SLC14A2: variants seen among roughly 807,000 people sequenced by gnomAD.
SLC14A2 encodes the protein solute carrier family 14 member 2, also known as urea transporter 2.
A neutral mutation model predicts 104.6 loss-of-function variants in SLC14A2; 91 were observed. The observed-to-expected ratio is 0.87, with a 90% CI of 0.73 to 1.04. SLC14A2 has a LOEUF of 1.04. SLC14A2 is among the 50% of genes least tolerant of loss of function. The probability of loss-of-function intolerance (pLI) is 0.00; values close to 1 mark genes in which losing one functional copy is unlikely to be tolerated. For missense variants in SLC14A2, 1,189 were observed against 1,156.0 expected (o/e 1.03, Z -0.41); for synonymous variants, 476 against 466.4 (o/e 1.02, Z -0.27).
At chr18:45,337,654 G>C (rs2144273908) in intron 1 of SLC14A2, among the ~76,000 whole-genome samples, 1 of 152,246 alleles carries the variant, frequency 6.6e-6, no homozygotes, top group South Asian at 2.1e-4. Flanking sequence ...GAGCTGACCA[G>C]CATTAACATG....
the SLC14A2 span, among the ~76,000 whole-genome samples, chr18:45,183,034 G>A: frequency 3.3e-5 from 5 of 152,164 alleles, no homozygotes; most frequent in Non-Finnish European, 7.4e-5. Context: ...CAAAAACAGA[G>A]ACTGGTATAG....
chr18:45,245,405 G>A (rs565026248), intron 1 of SLC14A2, among the ~76,000 whole-genome samples: 97 of 152,222 alleles, frequency 6.4e-4, no homozygotes, highest in Non-Finnish European at 1.0e-3. Flanking sequence ...TATCACCATC[G>A]CTGTGACCTT....
chr18:45,246,841 C>T (rs1179363396), intron 1 of SLC14A2, among the ~76,000 whole-genome samples: 2 of 152,084 alleles, frequency 1.3e-5, no homozygotes, highest in Admixed American at 6.5e-5. Flanking sequence ...GAAACCCCGT[C>T]TCTACTAAAA....
intron 1 of SLC14A2, among the ~76,000 whole-genome samples, chr18:45,373,139 A>G (rs917070744): frequency 6.6e-6 from 1 of 152,190 alleles, no homozygotes; most frequent in Non-Finnish European, 1.5e-5. Flanking sequence ...CCATAAGAAC[A>G]GGGTTTATTG....
chr18:45,433,979 G>A (rs970723721), intron 1 of SLC14A2, among the ~76,000 whole-genome samples: 1 of 152,098 alleles, frequency 6.6e-6, no homozygotes, highest in African/African-American at 2.4e-5. Flanking sequence ...CTTACTCAGG[G>A]CTCCTGTGTC....
chr18:45,489,829 G>C (rs1157109359), intron 2 of SLC14A2: 1 of 152,202 alleles, frequency 6.6e-6, no homozygotes, highest in Non-Finnish European at 1.5e-5. Context: ...AGATCACATA[G>C]AGATTATTGT....
chr18:45,271,073 T>G (rs2084646361), intron 1 of SLC14A2, among the ~76,000 whole-genome samples: 1 of 152,202 alleles, frequency 6.6e-6, no homozygotes, highest in South Asian at 2.1e-4. Context: ...CCCACACACT[T>G]GCTTCCCCTG....
At chr18:45,285,202 G>C (rs559424979) in intron 1 of SLC14A2, among the ~76,000 whole-genome samples, 28 of 152,254 alleles carry the variant, frequency 1.8e-4, no homozygotes, top group Admixed American at 3.9e-4. Context: ...ATCTATATTG[G>C]TTTCCAAATT....
intron 1 of SLC14A2, among the ~76,000 whole-genome samples, chr18:45,281,176 A>C (rs984183131): frequency 6.6e-6 from 1 of 152,180 alleles, no homozygotes; most frequent in Admixed American, 6.5e-5. Flanking sequence ...ACGTCTGAAC[A>C]CTTGCTATTT....
At chr18:45,390,661 G>A (rs2085950739) in intron 1 of SLC14A2, among the ~76,000 whole-genome samples, 1 of 152,166 alleles carries the variant, frequency 6.6e-6, no homozygotes, top group African/African-American at 2.4e-5. Context: ...GGTGAATACG[G>A]AAGGGGTACA....
intron 1 of SLC14A2, among the ~76,000 whole-genome samples, chr18:45,275,441 C>T (rs1568131004): frequency 2.0e-5 from 3 of 152,164 alleles, no homozygotes; most frequent in Non-Finnish European, 4.4e-5. Context: ...ACTCACCTTC[C>T]TCTTTTCCAT....
At chr18:45,213,320 A>G (rs2083978130) in intron 1 of SLC14A2, 1 of 152,150 alleles carries the variant, frequency 6.6e-6, no homozygotes. Flanking sequence ...TTTCAGGAGA[A>G]AATATATTCT....
intron 1 of SLC14A2, among the ~76,000 whole-genome samples, chr18:45,292,258 G>A (rs892658677): frequency 6.6e-6 from 1 of 152,154 alleles, no homozygotes; most frequent in African/African-American, 2.4e-5. Context: ...ACTTCATAAA[G>A]AGAGACATTG....
chr18:45,362,302 AAAAC>A (rs1160420658), intron 1 of SLC14A2, among the ~76,000 whole-genome samples: 3 of 152,244 alleles, frequency 2.0e-5, no homozygotes, highest in Non-Finnish European at 2.9e-5. Flanking sequence ...CAGGAGTGTG[AAAAC>A]AAACTAACAC....
At chr18:45,566,479 G>A (rs903338523) in intron 2 of SLC14A2, among the ~76,000 whole-genome samples, 19 of 151,252 alleles carry the variant, frequency 1.3e-4, no homozygotes, top group Admixed American at 6.0e-4. Flanking sequence ...TCTCCCTGTC[G>A]TCACCCTCGA....
chr18:45,259,256 A>T (rs574061264), intron 1 of SLC14A2, among the ~76,000 whole-genome samples: 1 of 152,312 alleles, frequency 6.6e-6, no homozygotes, highest in South Asian at 2.1e-4. Flanking sequence ...AGTTCCTTGG[A>T]ATCATGAATT....
intron 1 of SLC14A2, among the ~76,000 whole-genome samples, chr18:45,473,464 G>C (rs1200425576): frequency 6.9e-6 from 1 of 144,510 alleles, no homozygotes; most frequent in African/African-American, 2.4e-5. Context: ...AAATTACTTT[G>C]GGCAGTATGG....
At chr18:45,567,038 T>TGAG (rs1298464817) in intron 2 of SLC14A2, among the ~76,000 whole-genome samples, 3 of 150,310 alleles carry the variant, frequency 2.0e-5, no homozygotes, top group Non-Finnish European at 4.4e-5. Flanking sequence ...ATTCTATAGC[T>TGAG]GAGGACATGT....
At chr18:45,176,879 C>T in the SLC14A2 span, among the ~76,000 whole-genome samples, 1 of 152,192 alleles carries the variant, frequency 6.6e-6, no homozygotes, top group African/African-American at 2.4e-5. Context: ...CAAAGACTCA[C>T]AAATCTCCCA....
Sources: gnomAD v4.1 joint callset for allele counts (sites outside exome capture counted in the v4.1 genomes callset) on GRCh38, gnomAD v4.1.1 for gene constraint, MANE v1.5 for transcripts, NCBI Gene and HGNC (gene_info 2026-07-23, HGNC 2026-07-21) for gene names.